The following DLG2 variants were observed in gnomAD, a reference collection of about 807,000 sequenced individuals.
The protein encoded by DLG2 is disks large homolog 2.
DLG2 carries 45 observed loss-of-function variants against 132.5 expected under a neutral mutation model. The ratio of observed to expected loss-of-function variants is 0.34; its 90% CI spans 0.27 to 0.44. The LOEUF (loss-of-function observed/expected upper bound fraction) is 0.44. Ranked by LOEUF, DLG2 falls within the 20% of genes least tolerant of loss-of-function variation. The pLI, the probability that DLG2 is intolerant of heterozygous loss-of-function variation, is 1.00. For synonymous variants in DLG2, 424 were observed against 419.6 expected (o/e 1.01, Z -0.13); for missense variants, 1,045 against 1,196.9 (o/e 0.87, Z 1.87).
In DLG2 at chr11:85,540,463, A is replaced by T. The variant is rs910371100; in HGVS notation, c.40+58194T>A. On this transcript the variant is annotated intron_variant, in intron 3 of 27. Transcript: ENST00000376104. ...AGATGCCTGCCGCTGGGCAGCCCAAACTCCAGGGAAACACCACCATCCCAT... is the reference window on the plus strand; with the variant it reads ...AGATGCCTGCCGCTGGGCAGCCCAATCTCCAGGGAAACACCACCATCCCAT... 2.0e-5 allele frequency among the ~76,000 whole-genome samples: 3 copies of T among 151,940 alleles called. No homozygotes were observed. The South Asian group carries it at 6.2e-4, about 32-fold the overall frequency.
chr11:84,364,929 G>T (rs1275512329), intron 7 of DLG2, among the ~76,000 whole-genome samples: 7 of 152,216 alleles, frequency 4.6e-5, no homozygotes, highest in Admixed American at 2.0e-4. Flanking sequence ...TTTTATTGAG[G>T]ATTTTTGCAT....
chr11:84,845,248 C>G (rs1381378124), intron 6 of DLG2, among the ~76,000 whole-genome samples: 2 of 152,054 alleles, frequency 1.3e-5, no homozygotes, highest in African/African-American at 2.4e-5. Context: ...TCTAACATTT[C>G]TGATCAAGTG....
At chr11:84,797,127 G>A (rs1307215464) in intron 6 of DLG2, among the ~76,000 whole-genome samples, 2 of 152,078 alleles carry the variant, frequency 1.3e-5, no homozygotes, top group Non-Finnish European at 2.9e-5. Context: ...GATTACAGGC[G>A]TGAGCCACCA....
At chr11:84,283,682 TTTCCTCCA>T (rs1011135524) in intron 7 of DLG2, among the ~76,000 whole-genome samples, 28 of 152,248 alleles carry the variant, frequency 1.8e-4, no homozygotes, top group Middle Eastern at 3.4e-3. Context: ...TTTGCTTCCT[TTTCCTCCA>T]TAGTATTTAC....
Position 83,798,296 on chromosome 11 carries a change from A to G in DLG2, c.1723-11504T>C, listed in dbSNP as rs143478480. On this transcript the variant is annotated intron_variant, in intron 17 of 27. Transcript: ENST00000376104. ...TCCTCATATGCATCAAAAGATGTGA[A>G]CCCTTCTTTTGTTAGGCTGTTATCA... is the stretch of plus-strand genomic sequence containing the variant. Among the ~76,000 whole-genome samples the G allele has an allele frequency of 1.2e-3, 178 of 152,298 alleles. 2 individuals carry two copies. The East Asian group carries it at 0.028, about 24-fold the overall frequency.
rs182849519 is a variant in DLG2 at position 85,424,514 on chromosome 11, C to G, written c.41-139149G>C. On this transcript the variant is annotated intron_variant, in intron 3 of 27. Coordinates refer to ENST00000376104, the MANE Select transcript of DLG2 (RefSeq NM_001142699.3). ...ACCCTGAAACCCAGCCTACTGATAT[C>G]CAGTTAGCAGAGTCAATAAATTTCC... 1.4e-4 allele frequency among the ~76,000 whole-genome samples: 21 copies of G among 152,302 alleles called. 1 individual carries two copies. The highest frequency in any genetic ancestry group is 4.1e-4 in the African/African-American group (17 of 41,566).
intron 3 of DLG2, among the ~76,000 whole-genome samples, chr11:85,410,121 A>G (rs2089182342): frequency 6.6e-6 from 1 of 151,846 alleles, no homozygotes; most frequent in African/African-American, 2.4e-5. Flanking sequence ...GACACATAAG[A>G]CAAGAATAAG....
intron 18 of DLG2, among the ~76,000 whole-genome samples, chr11:83,668,798 C>T (rs895749194): frequency 1.9e-5 from 1 of 53,944 alleles, no homozygotes; most frequent in African/African-American, 1.1e-4. Context: ...TATATAAACA[C>T]ACATATATAT....
At chr11:84,201,783 TCA>T (rs1187078341) in intron 8 of DLG2, among the ~76,000 whole-genome samples, 8 of 150,054 alleles carry the variant, frequency 5.3e-5, no homozygotes, top group Non-Finnish European at 1.5e-5. Flanking sequence ...TTGACATTCT[TCA>T]CAGAGTTAGA....
intron 7 of DLG2, among the ~76,000 whole-genome samples, chr11:84,262,253 G>A (rs1014573204): frequency 4.6e-5 from 7 of 152,108 alleles, no homozygotes; most frequent in African/African-American, 1.4e-4. Flanking sequence ...TACCCTGCAT[G>A]GAACAAGGAT....
At chr11:85,604,127 C>T (rs1023971364) in intron 2 of DLG2, among the ~76,000 whole-genome samples, 19 of 152,166 alleles carry the variant, frequency 1.2e-4, no homozygotes, top group African/African-American at 4.6e-4. Flanking sequence ...GTTTTCTAAA[C>T]CAGCAGAGCT....
chr11:84,851,289 A>T (rs547966669), intron 6 of DLG2, among the ~76,000 whole-genome samples: 1 of 152,160 alleles, frequency 6.6e-6, no homozygotes, highest in East Asian at 1.9e-4. Flanking sequence ...TATATTTGAG[A>T]GTTTCATGCA....
At chr11:83,706,986 T>C (rs938982675) in intron 18 of DLG2, among the ~76,000 whole-genome samples, 1 of 152,202 alleles carries the variant, frequency 6.6e-6, no homozygotes, top group African/African-American at 2.4e-5. Context: ...CAAGCAAACA[T>C]AGATACTTTC....
At chr11:84,905,626 C>A (rs1464079370) in intron 6 of DLG2, among the ~76,000 whole-genome samples, 1 of 152,146 alleles carries the variant, frequency 6.6e-6, no homozygotes, top group African/African-American at 2.4e-5. Context: ...TGCCAGCCAC[C>A]ACAGAAGTCT....
At chr11:85,176,018 C>T (rs536388474) in intron 4 of DLG2, among the ~76,000 whole-genome samples, 2 of 152,222 alleles carry the variant, frequency 1.3e-5, no homozygotes, top group East Asian at 3.9e-4. Context: ...GAATCAATAT[C>T]GTGAAAATGG....
At chr11:85,186,695 T>C (rs2080128225) in intron 4 of DLG2, among the ~76,000 whole-genome samples, 2 of 152,256 alleles carry the variant, frequency 1.3e-5, no homozygotes, top group East Asian at 3.9e-4. Flanking sequence ...CATCCTGACC[T>C]ATCATGGAGA....
chr11:84,785,081 T>A (rs11234181), intron 6 of DLG2, among the ~76,000 whole-genome samples: 40,349 of 151,852 alleles, frequency 0.27, 5,910 homozygotes, highest in Middle Eastern at 0.31. Context: ...TTGTGTCAAT[T>A]TAAAAATAAA....
intron 3 of DLG2, among the ~76,000 whole-genome samples, chr11:85,360,509 C>T (rs1003403929): frequency 2.2e-4 from 33 of 152,200 alleles, no homozygotes; most frequent in Admixed American, 2.0e-3. Context: ...CCAGTTCATC[C>T]TCCTCATAGC....
intron 18 of DLG2, among the ~76,000 whole-genome samples, chr11:83,763,383 A>C (rs923388990): frequency 6.6e-6 from 1 of 152,182 alleles, no homozygotes; most frequent in African/African-American, 2.4e-5. Flanking sequence ...ATGTCCATGC[A>C]TTCTCACAAA....
Sources: gnomAD v4.1 joint callset for allele counts (sites outside exome capture counted in the v4.1 genomes callset) on GRCh38, gnomAD v4.1.1 for gene constraint, MANE v1.5 for transcripts, NCBI Gene and HGNC (gene_info 2026-07-23, HGNC 2026-07-21) for gene names.